Variants in GABRB3 observed in about 807,000 individuals in gnomAD.
The protein encoded by GABRB3 is gamma-aminobutyric acid type A receptor subunit beta3.
In GABRB3, 14 loss-of-function variants were observed where a neutral mutation model predicts 52.1. The ratio of observed to expected loss-of-function variants is 0.27; its 90% CI spans 0.18 to 0.42. GABRB3 has a LOEUF of 0.42. Among genes scored for constraint, GABRB3 ranks in the 10% least tolerant of loss-of-function variants. The pLI, the probability that GABRB3 is intolerant of heterozygous loss-of-function variation, is 1.00. For synonymous variants in GABRB3, 260 were observed against 232.3 expected (o/e 1.12, Z -1.08); for missense variants, 307 against 609.1 (o/e 0.50, Z 5.22).
At chr15:26,641,197 T>C (rs796456327) in intron 3 of GABRB3, among the ~76,000 whole-genome samples, 8 of 152,316 alleles carry the variant, frequency 5.3e-5, no homozygotes, top group African/African-American at 1.9e-4. Context: ...CATTATCAAA[T>C]ATACCTTTAT....
intron 4 of GABRB3, among the ~76,000 whole-genome samples, chr15:26,599,033 T>A (rs60678636): frequency 0.15 from 22,567 of 152,012 alleles, 1,662 homozygotes; most frequent in Non-Finnish European, 0.15. Context: ...TTTGGAGAAG[T>A]GTGGAAGCTA....
At chr15:26,646,547 T>C (rs1185438756) in intron 3 of GABRB3, among the ~76,000 whole-genome samples, 5 of 152,182 alleles carry the variant, frequency 3.3e-5, no homozygotes, top group African/African-American at 2.4e-5. Flanking sequence ...TTGTGTGGGA[T>C]AGTGTTCTCA....
chr15:26,693,540 A>G (rs1888648284), intron 3 of GABRB3, among the ~76,000 whole-genome samples: 1 of 152,196 alleles, frequency 6.6e-6, no homozygotes, highest in Non-Finnish European at 1.5e-5. Context: ...AACCTCTGGC[A>G]GATTTCTGCC....
Position 26,772,996 on chromosome 15 carries a change from GC to G in GABRB3, c.-35del. On this transcript the variant is annotated 5_prime_UTR_variant, in exon 1 of 9. Transcript: ENST00000311550. ...CGCGCCCCGGCACGGGGGAGGGGGC[GC>G]CCCGCCGCCGTCGCGACCCGCAGCC... 1 of 1,335,032 alleles carries G rather than the reference GC, an allele frequency of 7.5e-7. No individual in the cohort carries two copies. Among genetic ancestry groups the G allele is most frequent in the South Asian group, 1.7e-5 (1 of 58,598 alleles). 82.7% of individuals were successfully genotyped at this position (1,335,032 alleles called of 1,614,324 possible). A position where few individuals can be genotyped will look rare whatever the true frequency, so the allele number is the denominator to read the frequency against.
intron 3 of GABRB3, among the ~76,000 whole-genome samples, chr15:26,766,962 A>G (rs567456148): frequency 6.6e-6 from 1 of 152,284 alleles, no homozygotes; most frequent in East Asian, 1.9e-4. Flanking sequence ...TTTGCTCTCT[A>G]TACCGTACGT....
At chr15:26,558,984 T>A (rs61996546) in intron 8 of GABRB3, among the ~76,000 whole-genome samples, 12 of 152,054 alleles carry the variant, frequency 7.9e-5, no homozygotes, top group Non-Finnish European at 2.9e-5. Flanking sequence ...AGGAAACTTA[T>A]AATCATGGCA....
intron 4 of GABRB3, among the ~76,000 whole-genome samples, chr15:26,599,136 C>T (rs1206440682): frequency 4.6e-5 from 7 of 152,220 alleles, no homozygotes; most frequent in Non-Finnish European, 8.8e-5. Context: ...CACTTCTATG[C>T]ACTTTAGAAA....
In GABRB3 at chr15:26,580,325, C is replaced by T. The variant is rs1890741913; in HGVS notation, c.676G>A (p.Ala226Thr). 4 of 1,614,124 alleles carry T rather than the reference C, an allele frequency of 2.5e-6. No individual in the cohort carries two copies. Among genetic ancestry groups the T allele is most frequent in the Middle Eastern group, 1.6e-4 (1 of 6,062 alleles). ...HRLVSRNVVF[A>T]TGAYPRLSLS... ...AAGTGGATGCAGGACTCACCTGTGGCGAAGACAACATTCCTCGAGACCAGA... is the reference window on the plus strand; with the variant it reads ...AAGTGGATGCAGGACTCACCTGTGGTGAAGACAACATTCCTCGAGACCAGA... Residue 226 changes from alanine to threonine, a missense_variant, in exon 6 of 9, where the codon GCC (alanine) becomes ACC (threonine). Physicochemically the swap from Ala to Thr is moderately conservative, Grantham distance 58 (BLOSUM62 0). Transcript: ENST00000311550.
At chr15:26,653,530 C>G (rs1465798675) in intron 3 of GABRB3, among the ~76,000 whole-genome samples, 1 of 152,182 alleles carries the variant, frequency 6.6e-6, no homozygotes, top group South Asian at 2.1e-4. Context: ...CAAATTAATC[C>G]TTTAAACACT....
chr15:26,765,511 C>T (rs187510174), intron 3 of GABRB3, among the ~76,000 whole-genome samples: 29 of 152,280 alleles, frequency 1.9e-4, no homozygotes, highest in Admixed American at 7.2e-4. Flanking sequence ...GCCCAAATTC[C>T]GAGACATTAA....
intron 3 of GABRB3, among the ~76,000 whole-genome samples, chr15:26,635,925 A>T (rs1893046925): frequency 6.6e-6 from 1 of 152,234 alleles, no homozygotes. Context: ...CTGTTAGATA[A>T]ATCACAATAT....
At chr15:26,576,155 T>G (rs1412884298) in intron 6 of GABRB3, among the ~76,000 whole-genome samples, 1 of 152,226 alleles carries the variant, frequency 6.6e-6, no homozygotes, top group Non-Finnish European at 1.5e-5. Context: ...TGAAATAAAT[T>G]TAATTCAGTA....
At chr15:26,636,702 C>T (rs1245511298) in intron 3 of GABRB3, among the ~76,000 whole-genome samples, 1 of 152,212 alleles carries the variant, frequency 6.6e-6, no homozygotes, top group Non-Finnish European at 1.5e-5. Context: ...ACTGATCTTA[C>T]TCTCAAAACC....
intron 3 of GABRB3, among the ~76,000 whole-genome samples, chr15:26,688,242 C>T (rs537264181): frequency 4.7e-4 from 72 of 152,270 alleles, no homozygotes; most frequent in Non-Finnish European, 8.4e-4. Context: ...AAACACTAAA[C>T]GGGAACATCA....
chr15:26,672,504 T>G (rs1344137319), intron 3 of GABRB3, among the ~76,000 whole-genome samples: 1 of 152,176 alleles, frequency 6.6e-6, no homozygotes, highest in Non-Finnish European at 1.5e-5. Context: ...TCACCTCTCC[T>G]TTGCGTATTC....
intron 3 of GABRB3, among the ~76,000 whole-genome samples, chr15:26,675,903 C>A (rs531360274): frequency 1.3e-5 from 2 of 152,128 alleles, no homozygotes; most frequent in East Asian, 3.9e-4. Flanking sequence ...GAAATGATTT[C>A]GCAGGGTTCT....
At chr15:26,633,200 A>G (rs1459483107) in intron 3 of GABRB3, among the ~76,000 whole-genome samples, 1 of 152,226 alleles carries the variant, frequency 6.6e-6, no homozygotes, top group Non-Finnish European at 1.5e-5. Flanking sequence ...GTATCAGGTC[A>G]CTAGCTTTTT....
intron 3 of GABRB3, among the ~76,000 whole-genome samples, chr15:26,754,469 A>C (rs1669832172): frequency 6.6e-6 from 1 of 152,208 alleles, no homozygotes; most frequent in Non-Finnish European, 1.5e-5. Flanking sequence ...GAGGAAAAAC[A>C]GTTACTGATT....
intron 3 of GABRB3, among the ~76,000 whole-genome samples, chr15:26,731,193 G>A: frequency 6.6e-6 from 1 of 152,072 alleles, no homozygotes; most frequent in East Asian, 1.9e-4. Context: ...GAACACCTGT[G>A]ACCTATTAAA....
Sources: allele counts gnomAD v4.1 joint callset (sites outside exome capture counted in the v4.1 genomes callset), GRCh38; gene constraint gnomAD v4.1.1; transcripts MANE v1.5; gene names NCBI Gene and HGNC (gene_info 2026-07-23, HGNC 2026-07-21).